CRYL1: variants seen among roughly 807,000 people sequenced by gnomAD.
CRYL1 encodes crystallin lambda 1.
Under a neutral mutation model 36.6 loss-of-function variants are expected in CRYL1, and 29 were observed. The ratio of observed to expected loss-of-function variants is 0.79; its 90% CI spans 0.59 to 1.08. The LOEUF (loss-of-function observed/expected upper bound fraction) is 1.08. CRYL1 is among the 50% of genes least tolerant of loss of function. CRYL1 has a pLI of 0.00. For synonymous variants in CRYL1, 152 were observed against 151.5 expected (o/e 1.00, Z -0.02); for missense variants, 411 against 407.9 (o/e 1.01, Z -0.06).
chr13:20,428,560 T>C (rs935822896), intron 5 of CRYL1, among the ~76,000 whole-genome samples: 2 of 152,158 alleles, frequency 1.3e-5, no homozygotes, highest in African/African-American at 4.8e-5. Context: ...GTGAGGCTGG[T>C]TGAACATGCA....
chr13:20,470,927 C>CAAAAAAAAAAAAAAAAAAAAAAAA (rs1282081880), intron 3 of CRYL1, among the ~76,000 whole-genome samples: 1 of 113,810 alleles, frequency 8.8e-6, no homozygotes, highest in African/African-American at 3.4e-5. Flanking sequence ...AAAAAAAAAA[C>CAAAAAAAAAAAAAAAAAAAAAAAA]AAAAAAAAAA....
chr13:20,465,746 G>A (rs966079481), intron 3 of CRYL1, among the ~76,000 whole-genome samples: 9 of 152,164 alleles, frequency 5.9e-5, no homozygotes, highest in African/African-American at 2.2e-4. Flanking sequence ...AATGCTGGCA[G>A]CAACAGTATG....
intron 3 of CRYL1, among the ~76,000 whole-genome samples, chr13:20,477,469 G>C (rs893002711): frequency 2.7e-5 from 4 of 150,886 alleles, no homozygotes; most frequent in Admixed American, 2.6e-4. Context: ...TGGGGTTGGA[G>C]AGCGGGCATG....
chr13:20,427,649 G>A (rs951829876), intron 5 of CRYL1, among the ~76,000 whole-genome samples: 1 of 150,650 alleles, frequency 6.6e-6, no homozygotes, highest in African/African-American at 2.4e-5. Flanking sequence ...TCGGCTGCAG[G>A]TGTAAAAATA....
chr13:20,412,329 C>G (rs550131256), intron 6 of CRYL1, among the ~76,000 whole-genome samples: 1 of 152,272 alleles, frequency 6.6e-6, no homozygotes, highest in African/African-American at 2.4e-5. Flanking sequence ...CCCAGCTTCT[C>G]AGTATCCTTT....
At chr13:20,442,460 CA>C (rs2032370731) in intron 3 of CRYL1, among the ~76,000 whole-genome samples, 4 of 152,200 alleles carry the variant, frequency 2.6e-5, no homozygotes, top group African/African-American at 9.7e-5. Flanking sequence ...GGGAGTCTGA[CA>C]AATTTATCAG....
intron 1 of CRYL1, among the ~76,000 whole-genome samples, chr13:20,524,954 T>C (rs2034162489): frequency 6.8e-6 from 1 of 146,448 alleles, no homozygotes; most frequent in East Asian, 2.0e-4. Flanking sequence ...TTAACATGTT[T>C]ATAGATTGCT....
chr13:20,437,103 A>G (rs996632720), intron 4 of CRYL1, among the ~76,000 whole-genome samples: 39 of 152,014 alleles, frequency 2.6e-4, no homozygotes, highest in Admixed American at 3.3e-4. Flanking sequence ...TCAAGGCTGC[A>G]GTGAGCTTTG....
intron 3 of CRYL1, among the ~76,000 whole-genome samples, chr13:20,482,108 G>A (rs1164926931): frequency 1.3e-5 from 2 of 150,954 alleles, no homozygotes; most frequent in Non-Finnish European, 2.9e-5. Flanking sequence ...AATCCTTTAA[G>A]AAAACAAATA....
In CRYL1 at chr13:20,413,276, G is replaced by A; in HGVS notation, c.739+6C>T. On this transcript the variant is annotated splice_donor_region_variant and intron_variant, in intron 6 of 7. Coordinates refer to ENST00000298248, the MANE Select transcript of CRYL1 (RefSeq NM_015974.3). Reference sequence around the variant, plus strand: ...TGGAATTCCCATCCTGGCCCCAGATGCATACCTTCTGCATTGAGATGCATG... The same window carrying A: ...TGGAATTCCCATCCTGGCCCCAGATACATACCTTCTGCATTGAGATGCATG... The A allele has an allele frequency of 6.3e-7, 1 of 1,578,366 alleles. No homozygotes were observed. Among genetic ancestry groups the A allele is most frequent in the Non-Finnish European group, 8.7e-7 (1 of 1,149,566 alleles).
intron 5 of CRYL1, among the ~76,000 whole-genome samples, chr13:20,416,864 C>T (rs2031681304): frequency 6.6e-6 from 1 of 152,180 alleles, no homozygotes; most frequent in Non-Finnish European, 1.5e-5. Context: ...GGAGGAACCA[C>T]ATTCCCTCCA....
At chr13:20,447,444 A>C (rs2032480042) in intron 3 of CRYL1, among the ~76,000 whole-genome samples, 1 of 152,154 alleles carries the variant, frequency 6.6e-6, no homozygotes, top group African/African-American at 2.4e-5. Flanking sequence ...GAGAGCCAGG[A>C]GCACTGAGTA....
intron 3 of CRYL1, among the ~76,000 whole-genome samples, chr13:20,451,351 G>A (rs2032567400): frequency 6.6e-6 from 1 of 152,070 alleles, no homozygotes; most frequent in African/African-American, 2.4e-5. Flanking sequence ...AGCGTAAAAA[G>A]ACAACCTATG....
At chr13:20,414,029 G>C (rs4389002) in intron 5 of CRYL1, among the ~76,000 whole-genome samples, 110,686 of 151,700 alleles carry the variant, frequency 0.73, 40,691 homozygotes, top group Admixed American at 0.82. Flanking sequence ...CAAAAAATTC[G>C]CCGGGCATGG....
At chr13:20,516,190 C>CAAAAAAAA (rs35780379) in intron 1 of CRYL1, among the ~76,000 whole-genome samples, 1 of 73,274 alleles carries the variant, frequency 1.4e-5, no homozygotes, top group Non-Finnish European at 2.4e-5. Context: ...AACTCCATCT[C>CAAAAAAAA]AAAAAAAAAA....
chr13:20,412,022 C>T (rs1234764257), intron 6 of CRYL1, among the ~76,000 whole-genome samples: 3 of 152,176 alleles, frequency 2.0e-5, no homozygotes, highest in African/African-American at 7.2e-5. Context: ...GAACTGAAGT[C>T]AAACAGACTG....
chr13:20,431,433 A>G, intron 5 of CRYL1: 1 of 985,392 alleles, frequency 1.0e-6, no homozygotes, highest in Non-Finnish European at 1.2e-6. Flanking sequence ...GGGAGGCCGG[A>G]CAGTTCCACT....
chr13:20,451,916 T>C (rs2032578665), intron 3 of CRYL1, among the ~76,000 whole-genome samples: 1 of 151,940 alleles, frequency 6.6e-6, no homozygotes, highest in Non-Finnish European at 1.5e-5. Flanking sequence ...AAAGAAAATG[T>C]GGTACATATA....
chr13:20,413,654 T>C (rs1407575218), intron 5 of CRYL1, among the ~76,000 whole-genome samples: 1 of 152,250 alleles, frequency 6.6e-6, no homozygotes, highest in South Asian at 2.1e-4. Flanking sequence ...CTGTTTCATA[T>C]ACACCTAGCC....
Sources: allele counts gnomAD v4.1 joint callset (sites outside exome capture counted in the v4.1 genomes callset), GRCh38; gene constraint gnomAD v4.1.1; transcripts MANE v1.5; gene names NCBI Gene and HGNC (gene_info 2026-07-23, HGNC 2026-07-21).